The following SZT2 variants were observed in gnomAD, a reference collection of about 807,000 sequenced individuals.
SZT2 encodes the protein KICSTOR complex protein SZT2.
In SZT2, 216 loss-of-function variants were observed where a neutral mutation model predicts 404.2. The observed-to-expected ratio is 0.53, with a 90% CI of 0.48 to 0.60. SZT2 has a LOEUF of 0.60. SZT2 is among the 20% of genes least tolerant of loss of function. SZT2 has a pLI of 0.00. For synonymous variants in SZT2, 1,693 were observed against 1,749.9 expected, an observed-to-expected ratio of 0.97 and a Z score of 0.81; for missense variants, 3,857 against 4,459.2, an observed-to-expected ratio of 0.86 and a Z score of 3.85.
chr1:43,421,729 C>G (rs909375018), intron 11 of SZT2, among the ~76,000 whole-genome samples: 2 of 152,254 alleles, frequency 1.3e-5, no homozygotes, highest in Non-Finnish European at 2.9e-5. Flanking sequence ...TCCACGCTGT[C>G]AGCCTAACAC....
chr1:43,433,062 A>C lies in SZT2; in HGVS notation c.5676A>C (p.Thr1892=), dbSNP rs200409648. Residue 1892 remains threonine (T), a synonymous_variant, in exon 40 of 72, where the codon ACA becomes ACC. Coordinates refer to ENST00000634258, the MANE Select transcript of SZT2 (RefSeq NM_001365999.1). ...NDTLGEKAPF[T]LRTPPGPAPP... Reference sequence around the variant, plus strand: ...CCCTTGGTGAGAAGGCCCCCTTCACATTGCGGACTCCACCTGGGCCAGCAC... The same window carrying C: ...CCCTTGGTGAGAAGGCCCCCTTCACCTTGCGGACTCCACCTGGGCCAGCAC... The C allele has an allele frequency of 1.2e-6, 2 of 1,614,088 alleles. No homozygotes were observed. The highest frequency in any genetic ancestry group is 1.7e-6 in the Non-Finnish European group (2 of 1,180,022).
rs1383191486 is a variant in SZT2, at chr1:43,451,091, C to G, written c.*611C>G. 3.5e-6 allele frequency: 3 copies of G among 861,262 alleles called. No homozygotes were observed. The highest frequency in any genetic ancestry group is 5.9e-6 in the Non-Finnish European group (3 of 507,536). The allele number at this position is 861,262 out of a possible 1,614,324, so 53.4% of individuals were successfully genotyped here. On this transcript the variant is annotated 3_prime_UTR_variant, in exon 72 of 72. Coordinates refer to ENST00000634258, the MANE Select transcript of SZT2 (RefSeq NM_001365999.1). ...CACTGGCTTCTCAATGGGAGGGAAG[C>G]AGCAGAGAAACTGAAGTGTTAGACA...
rs761656320 is a variant in SZT2, at chr1:43,442,145, CG to C, written c.7873+22del. 4.3e-5 allele frequency: 45 copies of C among 1,042,842 alleles called. No individual in the cohort carries two copies. Among genetic ancestry groups the C allele is most frequent in the Middle Eastern group, 4.4e-4 (2 of 4,592 alleles). 64.6% of individuals were successfully genotyped at this position (1,042,842 alleles called of 1,614,324 possible). Reference sequence around the variant, plus strand: ...AACACAGCAGGGTGAGGGCATGGCCCGGGGGGGCGGGGGGCGGGTAGGCTAA... The same window carrying C: ...AACACAGCAGGGTGAGGGCATGGCCCGGGGGGCGGGGGGCGGGTAGGCTAA... On this transcript the variant is annotated intron_variant, in intron 56 of 71. Coordinates refer to ENST00000634258, the MANE Select transcript of SZT2 (RefSeq NM_001365999.1). The surrounding 1 kb of genome is among the most constrained non-coding windows in gnomAD (Gnocchi z 4.5).
Position 43,397,515 on chromosome 1 carries a change from TACA to T in SZT2, c.28-5660_28-5658del, listed in dbSNP as rs1175978804. Among the ~76,000 whole-genome samples, 165 of 151,744 alleles carry T rather than the reference TACA, an allele frequency of 1.1e-3. No homozygotes were observed. The East Asian group carries it at 0.022, about 20-fold the overall frequency. Reference sequence around the variant, plus strand: ...TATACAGGAAACAAACATTAAAGTATACAAATTCTTTTTTTTTTGAGATGGAGA... The same window carrying T: ...TATACAGGAAACAAACATTAAAGTATAATTCTTTTTTTTTTGAGATGGAGA... On this transcript the variant is annotated intron_variant, in intron 1 of 71. Transcript: ENST00000634258.
Position 43,404,404 on chromosome 1 carries a change from T to G in SZT2, c.352T>G (p.Phe118Val), listed in dbSNP as rs1485099097. Residue 118 changes from phenylalanine (F) to valine (V), a missense_variant, in exon 4 of 72, where the codon TTT (phenylalanine) becomes GTT (valine). Around this residue, in one of 7 missense-constraint regions of SZT2, gnomAD observed 536 missense variants for 637.4 expected, o/e 0.84. Coordinates refer to ENST00000634258, the MANE Select transcript of SZT2 (RefSeq NM_001365999.1). ...IVDDSTGEIL[F>V]DEVFHALSRC... Reference sequence around the variant, plus strand: ...GGATGATTCCACAGGGGAGATCTTGTTTGATGAAGTTTTCCATGCCCTGTC... The same window carrying G: ...GGATGATTCCACAGGGGAGATCTTGGTTGATGAAGTTTTCCATGCCCTGTC... 1.2e-6 allele frequency: 2 copies of G among 1,613,808 alleles called. No homozygotes were observed. The highest frequency in any genetic ancestry group is 1.7e-5 in the Admixed American group (1 of 60,008).
In SZT2 at chr1:43,448,817, C is replaced by A; in HGVS notation, c.10086+89C>A. ...GCCCCTCAGCCTGACCAAACAAGCT[C>A]TGCTCTGGAGGGAGGCCTAGACAGA... On this transcript the variant is annotated intron_variant, in intron 70 of 71. Coordinates refer to ENST00000634258, the MANE Select transcript of SZT2 (RefSeq NM_001365999.1). The surrounding 1 kb of genome is among the most constrained non-coding windows in gnomAD (Gnocchi z 4.2). The A allele has an allele frequency of 7.8e-7, 1 of 1,279,530 alleles. No individual in the cohort carries two copies. Among genetic ancestry groups the A allele is most frequent in the South Asian group, 1.2e-5 (1 of 83,306 alleles). 79.3% of individuals were successfully genotyped at this position (1,279,530 alleles called of 1,614,324 possible).
At chr1:43,407,417 G>A (rs1349124832) in intron 4 of SZT2, among the ~76,000 whole-genome samples, 1 of 151,944 alleles carries the variant, frequency 6.6e-6, no homozygotes, top group Admixed American at 6.6e-5. Flanking sequence ...TTGGGAGGCC[G>A]AGTCATGAAA....
Position 43,453,615 on chromosome 1 carries a change from A to G in SZT2, c.*3135A>G, listed in dbSNP as rs1388197039. 1 of 1,505,150 alleles carries G rather than the reference A, an allele frequency of 6.6e-7. No homozygotes were observed. Among genetic ancestry groups the G allele is most frequent in the Non-Finnish European group, 8.8e-7 (1 of 1,131,428 alleles). The allele number at this position is 1,505,150 out of a possible 1,614,324, so 93.2% of individuals were successfully genotyped here. ...CGCACCCGGGGGCGTGTTGATCAGT[A>G]CAAGCCGCAGCCCCGCTTCTCGCGC... On this transcript the variant is annotated 3_prime_UTR_variant, in exon 72 of 72. Transcript: ENST00000634258.
rs1338289798 is a variant in SZT2 at position 43,424,575 on chromosome 1, C to T, written c.2471+143C>T. ...AGAGCAGCATCTGCTACTGCCCTCC[C>T]TGTCTCCTCCCATCACCCGATTTGT... On this transcript the variant is annotated intron_variant, in intron 16 of 71. Transcript: ENST00000634258. This position sits in a 1 kb window ranked among gnomAD's most constrained non-coding sequence, Gnocchi z 4.1. The T allele has an allele frequency of 6.4e-6, 6 of 937,258 alleles. No homozygotes were observed. Among genetic ancestry groups the T allele is most frequent in the Non-Finnish European group, 9.6e-6 (6 of 627,238 alleles). 58.1% of individuals were successfully genotyped at this position (937,258 alleles called of 1,614,324 possible). A position where few individuals can be genotyped will look rare whatever the true frequency, so the allele number is the denominator to read the frequency against.
intron 2 of SZT2, 29 bp downstream of exon 2, chr1:43,403,331 G>A (rs772756253): frequency 5.0e-6 from 8 of 1,607,006 alleles, no homozygotes; most frequent in South Asian, 2.2e-5. Context: ...AAAGGTGTGA[G>A]GGGCCAGCCC....
chr1:43,418,658 A>C (rs936353683), intron 7 of SZT2, among the ~76,000 whole-genome samples: 2 of 152,138 alleles, frequency 1.3e-5, no homozygotes, highest in African/African-American at 4.8e-5. Flanking sequence ...AGAGGCTATG[A>C]TCGTAGTTGG....
Position 43,441,494 on chromosome 1 carries a change from CTG to C in SZT2, c.7512-8_7512-7del. On this transcript the variant is annotated splice_polypyrimidine_tract_variant and splice_region_variant and intron_variant, in intron 53 of 71. Coordinates refer to ENST00000634258, the MANE Select transcript of SZT2 (RefSeq NM_001365999.1). This position sits in a 1 kb window ranked among gnomAD's most constrained non-coding sequence, Gnocchi z 4.8. ...TATGGACATGAGGCTCTTACTCCCA[CTG>C]TCTTCAGGCGCCGGACAACACAGCT... 1 of 1,612,554 alleles carries C rather than the reference CTG, an allele frequency of 6.2e-7. No individual in the cohort carries two copies. Among genetic ancestry groups the C allele is most frequent in the East Asian group, 2.2e-5 (1 of 44,878 alleles).
intron 1 of SZT2, chr1:43,393,963 C>A: frequency 2.5e-6 from 1 of 395,240 alleles, no homozygotes; most frequent in Non-Finnish European, 3.4e-6. Context: ...TCCAAGGTCA[C>A]CTATATAGCA....
In SZT2 at chr1:43,430,308, T is replaced by C; in HGVS notation, c.4402-3T>C. 6.2e-7 allele frequency: 1 copy of C among 1,613,792 alleles called. No homozygotes were observed. Among genetic ancestry groups the C allele is most frequent in the Non-Finnish European group, 8.5e-7 (1 of 1,179,906 alleles). On this transcript the variant is annotated splice_polypyrimidine_tract_variant and splice_region_variant and intron_variant, in intron 30 of 71. Coordinates refer to ENST00000634258, the MANE Select transcript of SZT2 (RefSeq NM_001365999.1). ...CATCATCTTGCTTCATTCTTTTGCCTAGGATGAGGGGCCTCGGGACACAGT... is the reference window on the plus strand; with the variant it reads ...CATCATCTTGCTTCATTCTTTTGCCCAGGATGAGGGGCCTCGGGACACAGT...
Position 43,406,252 on chromosome 1 carries a change from T to G in SZT2, c.498+1702T>G, listed in dbSNP as rs532045778. ...ACAGGTGCCCACTACCACACCCGGC[T>G]AATTTTTGTTTTTTTTGTTTTTTTT... On this transcript the variant is annotated intron_variant, in intron 4 of 71. Transcript: ENST00000634258. The G allele has an allele frequency of 3.5e-4, 117 of 332,468 alleles. 1 individual carries two copies. Among genetic ancestry groups the G allele is most frequent in the African/African-American group, 2.6e-3 (114 of 43,712 alleles). The allele number at this position is 332,468 out of a possible 1,614,324, so 20.6% of individuals were successfully genotyped here. A position where few individuals can be genotyped will look rare whatever the true frequency, so the allele number is the denominator to read the frequency against.
chr1:43,449,533 GT>G, intron 70 of SZT2: 1 of 163,800 alleles, frequency 6.1e-6, no homozygotes, highest in Non-Finnish European at 1.3e-5. Context: ...GCAGGAGTGG[GT>G]TTTGGGGAAG....
chr1:43,451,787 C>CT lies in SZT2; in HGVS notation c.*1309dup. ...CTCCTTCCGATCTGCGAAGTACCCCCTTCCACTTACCATTTGTAATTGGAG... is the reference window on the plus strand; with the variant it reads ...CTCCTTCCGATCTGCGAAGTACCCCCTTTCCACTTACCATTTGTAATTGGAG... On this transcript the variant is annotated 3_prime_UTR_variant, in exon 72 of 72. Coordinates refer to ENST00000634258, the MANE Select transcript of SZT2 (RefSeq NM_001365999.1). 2 of 1,614,118 alleles carry CT rather than the reference C, an allele frequency of 1.2e-6. No homozygotes were observed. The highest frequency in any genetic ancestry group is 1.1e-5 in the South Asian group (1 of 91,078).
At chr1:43,443,850 G>GT in intron 62 of SZT2, 54 bp downstream of exon 62, 1 of 1,601,142 alleles carries the variant, frequency 6.2e-7, no homozygotes, top group Non-Finnish European at 8.5e-7. Flanking sequence ...TGCAAGTGAG[G>GT]CCCCACAGGC....
At chr1:43,445,802 A>G (rs1442916533) in intron 62 of SZT2, 92 bp from the exon 63 acceptor site, 2 of 1,297,422 alleles carry the variant, frequency 1.5e-6, no homozygotes, top group Non-Finnish European at 2.2e-6. Flanking sequence ...CCCTTGCAAA[A>G]TGATTCCATA....
Sources: allele counts gnomAD v4.1 joint callset (sites outside exome capture counted in the v4.1 genomes callset), GRCh38; gene constraint gnomAD v4.1.1; regional missense constraint gnomAD v4.1.1; non-coding constraint Gnocchi (gnomAD v3.1); transcripts MANE v1.5; gene names NCBI Gene and HGNC (gene_info 2026-07-23, HGNC 2026-07-21).